The following COMMD1 variants were observed in gnomAD, a reference collection of about 807,000 sequenced individuals.
COMMD1 encodes COMM domain-containing protein 1.
COMMD1 carries 10 observed loss-of-function variants against 17.2 expected under a neutral mutation model. The observed-to-expected ratio is 0.58, with a 90% CI of 0.36 to 0.99. The LOEUF is 0.99. Among genes scored for constraint, COMMD1 ranks in the 50% least tolerant of loss-of-function variants. The pLI is 0.01. For missense variants in COMMD1, 270 were observed against 231.8 expected, an observed-to-expected ratio of 1.17 and a Z score of -1.07; for synonymous variants, 97 against 91.6, an observed-to-expected ratio of 1.06 and a Z score of -0.34.
chr2:61,977,328 T>G (rs1017193173), intron 1 of COMMD1, among the ~76,000 whole-genome samples: 1 of 130,438 alleles, frequency 7.7e-6, no homozygotes. Context: ...CACTGCAACC[T>G]CCGCCTCCTG....
intron 2 of COMMD1, among the ~76,000 whole-genome samples, chr2:62,077,997 T>A (rs927857671): frequency 6.6e-5 from 10 of 152,034 alleles, no homozygotes; most frequent in African/African-American, 2.4e-4. Flanking sequence ...ATTGTGGGAC[T>A]GGGCATAGTG....
intron 2 of COMMD1, among the ~76,000 whole-genome samples, chr2:62,015,211 C>T (rs760391966): frequency 6.6e-6 from 1 of 152,202 alleles, no homozygotes; most frequent in Non-Finnish European, 1.5e-5. Flanking sequence ...CTGGTAACCT[C>T]TTTTCTACTT....
At chr2:62,065,288 A>AG (rs1201219705) in intron 2 of COMMD1, among the ~76,000 whole-genome samples, 1 of 150,038 alleles carries the variant, frequency 6.7e-6, no homozygotes, top group Non-Finnish European at 1.5e-5. Context: ...TTATAACTCC[A>AG]GGTCACCATG....
upstream of COMMD1, chr2:61,888,486 G>A (rs750787242): frequency 1.1e-5 from 18 of 1,611,836 alleles, no homozygotes; most frequent in Non-Finnish European, 1.4e-5. Flanking sequence ...GCCCCGCTCC[G>A]GGGTGCCACA....
chr2:61,945,710 T>C (rs1366849369), intron 1 of COMMD1, among the ~76,000 whole-genome samples: 1 of 152,168 alleles, frequency 6.6e-6, no homozygotes, highest in Non-Finnish European at 1.5e-5. Context: ...AATACATCAA[T>C]CAATATATGT....
chr2:61,964,990 C>G (rs1573009238), intron 1 of COMMD1, among the ~76,000 whole-genome samples: 1 of 152,048 alleles, frequency 6.6e-6, no homozygotes, highest in African/African-American at 2.4e-5. Context: ...GAGCCGAGAT[C>G]GTGCCACTGT....
At chr2:62,120,305 GTT>G (rs374491424) in intron 2 of COMMD1, among the ~76,000 whole-genome samples, 1 of 143,658 alleles carries the variant, frequency 7.0e-6, no homozygotes, top group African/African-American at 2.5e-5. Flanking sequence ...CCAGCTGTGG[GTT>G]TTTTTTTTTT....
chr2:61,965,274 A>C (rs1019144313), intron 1 of COMMD1, among the ~76,000 whole-genome samples: 12 of 152,332 alleles, frequency 7.9e-5, no homozygotes, highest in Non-Finnish European at 1.8e-4. Flanking sequence ...CATGGAAATA[A>C]AATTTTATGT....
intron 2 of COMMD1, among the ~76,000 whole-genome samples, chr2:62,111,594 A>T (rs1672456902): frequency 6.6e-6 from 1 of 152,080 alleles, no homozygotes; most frequent in African/African-American, 2.4e-5. Flanking sequence ...TCTAGGTTTT[A>T]TGGCTTGCTT....
At chr2:61,927,412 A>G (rs1325431514) in intron 1 of COMMD1, among the ~76,000 whole-genome samples, 3 of 152,050 alleles carry the variant, frequency 2.0e-5, no homozygotes, top group African/African-American at 7.2e-5. Flanking sequence ...TTTGTTTTTT[A>G]GATGGAGTCT....
At chr2:62,003,975 A>C (rs1216919546) in intron 2 of COMMD1, among the ~76,000 whole-genome samples, 1 of 152,122 alleles carries the variant, frequency 6.6e-6, no homozygotes, top group East Asian at 1.9e-4. Context: ...TAAAAATACA[A>C]AAATTAGCCG....
chr2:62,083,465 G>A (rs531250844), intron 2 of COMMD1, among the ~76,000 whole-genome samples: 125 of 152,306 alleles, frequency 8.2e-4, no homozygotes, highest in African/African-American at 2.8e-3. Flanking sequence ...ATGGGCTGAA[G>A]TTTGCCACGC....
chr2:62,045,475 G>A (rs1489544390), intron 2 of COMMD1, among the ~76,000 whole-genome samples: 1 of 151,724 alleles, frequency 6.6e-6, no homozygotes, highest in Non-Finnish European at 1.5e-5. Flanking sequence ...CCTTTGATTA[G>A]TCTTACAAAG....
At chr2:62,120,158 A>C (rs1226469308) in intron 2 of COMMD1, among the ~76,000 whole-genome samples, 3 of 151,954 alleles carry the variant, frequency 2.0e-5, no homozygotes, top group Non-Finnish European at 4.4e-5. Context: ...GCGCCAGCAC[A>C]CTGGCTAATT....
chr2:62,078,275 C>T (rs1671408337), intron 2 of COMMD1, among the ~76,000 whole-genome samples: 1 of 140,420 alleles, frequency 7.1e-6, no homozygotes, highest in Admixed American at 7.4e-5. Flanking sequence ...AAGGTGGAGC[C>T]GGGCACGGTA....
intron 2 of COMMD1, among the ~76,000 whole-genome samples, chr2:62,036,981 C>T (rs186255309): frequency 1.3e-5 from 2 of 152,198 alleles, no homozygotes; most frequent in Admixed American, 6.5e-5. Context: ...TTTTGTTGTA[C>T]CTTGCATTCA....
In COMMD1 at chr2:61,945,856, G is replaced by A. The variant is rs1054644497; in HGVS notation, c.180+39998G>A. ...CGGTAGAAAGGAATGTCTGGGTTAA[G>A]ACAAGGGATTGTGGAGACCAAGGTT... On this transcript the variant is annotated intron_variant, in intron 1 of 2. Transcript: ENST00000311832. Among the ~76,000 whole-genome samples, 4 of 152,232 alleles carry A rather than the reference G, an allele frequency of 2.6e-5. No individual in the cohort carries two copies. In the East Asian group the frequency reaches 5.8e-4, roughly 22 times the overall value.
chr2:61,918,685 T>A (rs1670108742), intron 1 of COMMD1: 1 of 152,206 alleles, frequency 6.6e-6, no homozygotes. Context: ...AAACCCCTAA[T>A]ATGCTGAACC....
intron 1 of COMMD1, among the ~76,000 whole-genome samples, chr2:61,982,990 A>T (rs967263164): frequency 4.6e-5 from 7 of 152,072 alleles, no homozygotes; most frequent in Non-Finnish European, 1.0e-4. Flanking sequence ...CTTTTTAAAA[A>T]TTTTTAATGT....
Sources: gnomAD v4.1 joint callset for allele counts (sites outside exome capture counted in the v4.1 genomes callset) on GRCh38, gnomAD v4.1.1 for gene constraint, MANE v1.5 for transcripts, NCBI Gene and HGNC (gene_info 2026-07-23, HGNC 2026-07-21) for gene names.